Variants in COL4A4 observed in about 807,000 individuals in gnomAD.
COL4A4 encodes collagen type IV alpha 4 chain.
COL4A4 carries 105 observed loss-of-function variants against 192.9 expected under a neutral mutation model. The ratio of observed to expected loss-of-function variants is 0.54; its 90% CI spans 0.46 to 0.64. COL4A4 has a LOEUF of 0.64. Ranked by LOEUF, COL4A4 falls within the 30% of genes least tolerant of loss-of-function variation. COL4A4 has a pLI of 0.00. For missense variants in COL4A4, 1,967 were observed against 2,169.3 expected (o/e 0.91, Z 1.85); for synonymous variants, 762 against 769.9 (o/e 0.99, Z 0.17).
Position 227,120,870 on chromosome 2 carries a change from C to A in COL4A4, c.327+144G>T. On this transcript the variant is annotated intron_variant, in intron 5 of 47. Transcript: ENST00000396625. The stretch of plus-strand genomic sequence containing the variant: ...GGGAGGCTCGCTTGAACCTGGGAGG[C>A]GAAGGCTGCAGTGAGCTGAGATCCC... 4.7e-6 allele frequency: 5 copies of A among 1,061,436 alleles called. No homozygotes were observed. In the South Asian group the frequency reaches 7.5e-5, roughly 16 times the overall value. The allele number at this position is 1,061,436 out of a possible 1,614,324, so 65.8% of individuals were successfully genotyped here. A position where few individuals can be genotyped will look rare whatever the true frequency, so the allele number is the denominator to read the frequency against.
intron 44 of COL4A4, among the ~76,000 whole-genome samples, chr2:227,014,991 C>G (rs191630103): frequency 1.7e-4 from 25 of 150,688 alleles, no homozygotes; most frequent in African/African-American, 5.6e-4. Flanking sequence ...CTCCGCCTCT[C>G]AGGTTCAAGT....
intron 3 of COL4A4, among the ~76,000 whole-genome samples, chr2:227,141,222 G>C (rs1473168003): frequency 3.3e-5 from 5 of 152,204 alleles, no homozygotes; most frequent in African/African-American, 9.7e-5. Context: ...GAAAAGGTTT[G>C]CCTGGCTCAT....
intron 13 of COL4A4, 99 bp downstream of exon 13, chr2:227,103,873 G>A: frequency 2.4e-6 from 2 of 838,742 alleles, no homozygotes; most frequent in Non-Finnish European, 4.0e-6. Flanking sequence ...CTAGTGCAGT[G>A]ATGCATAGAA....
chr2:227,132,471 T>G (rs1307848720), intron 4 of COL4A4, among the ~76,000 whole-genome samples: 1 of 152,110 alleles, frequency 6.6e-6, no homozygotes, highest in African/African-American at 2.4e-5. Context: ...TATTATTCGT[T>G]GCCATTAAGA....
chr2:227,036,983 T>C (rs1969815397), intron 37 of COL4A4, among the ~76,000 whole-genome samples: 1 of 152,200 alleles, frequency 6.6e-6, no homozygotes, highest in Non-Finnish European at 1.5e-5. Flanking sequence ...GGTAATATTC[T>C]TTAGGTTTTC....
At chr2:226,983,471 C>T in the COL4A4 span, among the ~76,000 whole-genome samples, 1 of 152,164 alleles carries the variant, frequency 6.6e-6, no homozygotes, top group African/African-American at 2.4e-5. Context: ...TTTCTTTTCC[C>T]AGGCCCAACA....
intron 19 of COL4A4, among the ~76,000 whole-genome samples, chr2:227,098,339 G>C (rs1009193471): frequency 6.6e-6 from 1 of 152,126 alleles, no homozygotes. Flanking sequence ...CTTTGTGGGA[G>C]GCCTGTTGTT....
intron 25 of COL4A4, among the ~76,000 whole-genome samples, chr2:227,075,617 T>C (rs779430210): frequency 6.6e-5 from 10 of 152,080 alleles, no homozygotes; most frequent in Non-Finnish European, 1.3e-4. Flanking sequence ...CTATTCAACA[T>C]AGTATTGGAA....
At chr2:227,088,454 C>T (rs1424683593) in intron 22 of COL4A4, among the ~76,000 whole-genome samples, 199 bp downstream of exon 22, 4 of 152,108 alleles carry the variant, frequency 2.6e-5, no homozygotes, top group East Asian at 1.9e-4. Context: ...CACCTGCTGT[C>T]GTGTAAGACA....
chr2:227,104,971 GTGTGTACATA>G (rs1022802514), intron 12 of COL4A4, among the ~76,000 whole-genome samples: 1 of 151,868 alleles, frequency 6.6e-6, no homozygotes, highest in Non-Finnish European at 1.5e-5. Context: ...TTTTGGTGGT[GTGTGTACATA>G]TGTGTATATA....
Position 227,109,230 on chromosome 2 carries a change from C to T in COL4A4, c.651G>A (p.Gly217=), listed in dbSNP as rs775783670. ...TCAGCAGTGCTGTACTTACCACTAA[C>T]CCTGGCTCTCCAGGATATCCTGTGG... The part of the protein sequence containing the change: ...AGPTGYPGEP[G]LVGPPGQPGR... The change falls in exon 10 of 48, where the codon GGG becomes GGA. Residue 217 remains glycine (G), a synonymous_variant. Transcript: ENST00000396625. The T allele has an allele frequency of 1.9e-6, 3 of 1,613,670 alleles. No homozygotes were observed. Among genetic ancestry groups the T allele is most frequent in the Admixed American group, 1.7e-5 (1 of 60,010 alleles).
intron 8 of COL4A4, among the ~76,000 whole-genome samples, chr2:227,112,596 T>C (rs779131736): frequency 1.3e-5 from 2 of 152,142 alleles, no homozygotes; most frequent in Non-Finnish European, 2.9e-5. Flanking sequence ...AGTGTACAGG[T>C]AGTTCACTTA....
At chr2:227,075,380 G>A (rs778335376) in intron 25 of COL4A4, among the ~76,000 whole-genome samples, 3 of 152,020 alleles carry the variant, frequency 2.0e-5, no homozygotes, top group Non-Finnish European at 2.9e-5. Flanking sequence ...CAGAACCACT[G>A]ACAAAAACCA....
At chr2:227,044,922 T>A (rs1972134993) in intron 35 of COL4A4, among the ~76,000 whole-genome samples, 2 of 152,202 alleles carry the variant, frequency 1.3e-5, no homozygotes, top group South Asian at 4.1e-4. Flanking sequence ...AGGGGCCAAT[T>A]TAAATGGTGG....
chr2:227,008,095 C>A lies in COL4A4; in HGVS notation c.4732G>T (p.Val1578Leu), dbSNP rs1175400080. The A allele has an allele frequency of 2.5e-6, 4 of 1,614,076 alleles. No individual in the cohort carries two copies. In the Admixed American group the frequency reaches 5.0e-5, roughly 20 times the overall value. ...VCEAPAQAVA[V>L]HSQDQSIPPC... ...GGGATGGACTGGTCCTGGCTGTGCA[C>A]CGCCACCGCCTGGGCCGGGGCCTCG... Residue 1578 changes from valine (V) to leucine (L), a missense_variant, in exon 47 of 48, where the codon GTG becomes TTG. Physicochemically the swap from Val to Leu is conservative, Grantham distance 32 (BLOSUM62 1). Transcript: ENST00000396625.
chr2:227,088,584 T>C (rs2059727506), intron 22 of COL4A4, 69 bp downstream of exon 22: 12 of 1,565,352 alleles, frequency 7.7e-6, no homozygotes, highest in East Asian at 2.2e-5. Context: ...AGTATCTTTA[T>C]GGTAGTGTGA....
the COL4A4 span, among the ~76,000 whole-genome samples, chr2:226,977,386 C>G: frequency 6.6e-6 from 1 of 152,148 alleles, no homozygotes; most frequent in African/African-American, 2.4e-5. Flanking sequence ...GGCTGGAATT[C>G]ATGAGAATGT....
rs1399202669 is a variant in COL4A4 at position 227,033,450 on chromosome 2, C to T, written c.3537G>A (p.Leu1179=). The T allele has an allele frequency of 1.2e-6, 2 of 1,613,570 alleles. No individual in the cohort carries two copies. The highest frequency in any genetic ancestry group is 2.2e-5 in the South Asian group (2 of 91,070). ...TTCCTTTCTGACCTTTCAATCCATG[C>T]AAGCCGTTCAGGCCAGGTGATCCGG... The part of the protein sequence containing the change: ...GPSGSPGLNG[L]HGLKGQKGTK... Residue 1179 remains leucine, a synonymous_variant, in exon 38 of 48, where the codon TTG becomes TTA. Transcript: ENST00000396625.
rs779165737 is a variant in COL4A4 at position 227,022,462 on chromosome 2, C to T, written c.4091-289G>A. ...TGCAGAAGTATGAAACAGTGAAGGTCGGATGATGCAGCAACGTGATGACCC... is the reference window on the plus strand; with the variant it reads ...TGCAGAAGTATGAAACAGTGAAGGTTGGATGATGCAGCAACGTGATGACCC... On this transcript the variant is annotated intron_variant, in intron 43 of 47. Transcript: ENST00000396625. The T allele has an allele frequency of 1.3e-5, 8 of 628,724 alleles. 1 individual carries two copies. The highest frequency in any genetic ancestry group is 5.5e-5 in the South Asian group (4 of 72,406). 38.9% of individuals were successfully genotyped at this position (628,724 alleles called of 1,614,324 possible).
Sources: allele counts gnomAD v4.1 joint callset (sites outside exome capture counted in the v4.1 genomes callset), GRCh38; gene constraint gnomAD v4.1.1; transcripts MANE v1.5; gene names NCBI Gene and HGNC (gene_info 2026-07-23, HGNC 2026-07-21).